The following KMT2C variants were observed in gnomAD, a reference collection of about 807,000 sequenced individuals.
KMT2C encodes the protein histone-lysine N-methyltransferase 2C.
In KMT2C, 88 loss-of-function variants were observed where a neutral mutation model predicts 507.9. The ratio of observed to expected loss-of-function variants is 0.17; its 90% CI spans 0.15 to 0.21. The LOEUF (loss-of-function observed/expected upper bound fraction) is 0.21, where lower values mean the gene tolerates loss of function less well. Among genes scored for constraint, KMT2C ranks in the 10% least tolerant of loss-of-function variants. KMT2C has a pLI of 1.00. For missense variants in KMT2C, 4,954 were observed against 5,957.8 expected, an observed-to-expected ratio of 0.83 and a Z score of 5.55; for synonymous variants, 2,049 against 2,080.8, an observed-to-expected ratio of 0.98 and a Z score of 0.42.
In KMT2C at chr7:152,177,433, T is replaced by G; in HGVS notation, c.8020A>C (p.Asn2674His). The change falls in exon 38 of 59, where the codon AAT (asparagine) becomes CAT (histidine). Residue 2674 changes from asparagine (N) to histidine (H), a missense_variant. By Grantham distance (68) the Asn-to-His change is moderately conservative. Around this residue, in one of 29 missense-constraint regions of KMT2C, gnomAD observed 1,689 missense variants for 1,654.3 expected, o/e 1.02. Transcript: ENST00000262189. ...TSVPSETTSD[N>H]LQITTQPSDG... Reference sequence around the variant, plus strand: ...GAAGGCTGGGTGGTTATCTGTAAATTATCAGACGTTGTTTCAGACGGTACA... The same window carrying G: ...GAAGGCTGGGTGGTTATCTGTAAATGATCAGACGTTGTTTCAGACGGTACA... 6.2e-7 allele frequency: 1 copy of G among 1,614,174 alleles called. No individual in the cohort carries two copies. The highest frequency in any genetic ancestry group is 8.5e-7 in the Non-Finnish European group (1 of 1,180,018).
chr7:152,290,427 G>C (rs192553195), intron 6 of KMT2C, among the ~76,000 whole-genome samples: 1 of 144,346 alleles, frequency 6.9e-6, no homozygotes, highest in Non-Finnish European at 1.5e-5. Context: ...TCTCTGTCTC[G>C]GCCTCCCCCG....
intron 1 of KMT2C, among the ~76,000 whole-genome samples, chr7:152,361,417 G>C (rs1213492511): frequency 6.6e-6 from 1 of 152,124 alleles, no homozygotes; most frequent in Non-Finnish European, 1.5e-5. Context: ...AAAAAAATTA[G>C]CCGGGCGTGG....
chr7:152,278,146 C>T (rs2096123256), intron 6 of KMT2C, among the ~76,000 whole-genome samples: 2 of 152,242 alleles, frequency 1.3e-5, no homozygotes, highest in African/African-American at 2.4e-5. Context: ...CTTGCGATAA[C>T]GAGTGAGTTC....
At chr7:152,270,157 G>T (rs906896366) in intron 7 of KMT2C, among the ~76,000 whole-genome samples, 1 of 152,158 alleles carries the variant, frequency 6.6e-6, no homozygotes, top group African/African-American at 2.4e-5. Flanking sequence ...GTCTATAAAA[G>T]AGAATCTCTG....
At chr7:152,313,931 T>C (rs1029206795) in intron 4 of KMT2C, among the ~76,000 whole-genome samples, 9 of 152,140 alleles carry the variant, frequency 5.9e-5, no homozygotes, top group Non-Finnish European at 8.8e-5. Context: ...TTTTATATAA[T>C]TGCCATTATT....
At position 152,201,601 on chromosome 7, in the gene KMT2C, A is replaced by C. The variant is rs182664162; in HGVS notation, c.4092+1333T>G. ...GGGAGGTAAAGGGAATCCCAGGAGA[A>C]AACAACAACAAAGATGAAAAAAAAA... On this transcript the variant is annotated intron_variant, in intron 26 of 58. Transcript: ENST00000262189. Among the ~76,000 whole-genome samples the C allele has an allele frequency of 1.6e-4, 24 of 149,544 alleles. No homozygotes were observed. In the East Asian group the frequency reaches 4.6e-3, roughly 29 times the overall value.
chr7:152,432,025 T>C (rs2097866962), intron 1 of KMT2C, among the ~76,000 whole-genome samples: 1 of 152,216 alleles, frequency 6.6e-6, no homozygotes, highest in African/African-American at 2.4e-5. Flanking sequence ...TTGCTGGTCC[T>C]TGTAATGACA....
intron 21 of KMT2C, 136 bp from the exon 22 acceptor site, chr7:152,222,202 G>A: frequency 3.5e-6 from 2 of 571,736 alleles, no homozygotes; most frequent in Non-Finnish European, 5.8e-6. Context: ...AGTTAAAAGT[G>A]CTTTTTAAAG....
intron 1 of KMT2C, among the ~76,000 whole-genome samples, chr7:152,421,507 C>T (rs910507118): frequency 1.3e-5 from 2 of 152,078 alleles, no homozygotes; most frequent in African/African-American, 2.4e-5. Context: ...CCATCAACAG[C>T]GGACTGGATA....
intron 26 of KMT2C, among the ~76,000 whole-genome samples, chr7:152,201,036 G>A (rs139152633): frequency 9.2e-5 from 14 of 152,222 alleles, no homozygotes; most frequent in Admixed American, 2.0e-4. Flanking sequence ...AGCAGAAAGC[G>A]TTTTAGAAGT....
At chr7:152,395,025 C>CA (rs76564643) in intron 1 of KMT2C, among the ~76,000 whole-genome samples, 26 of 150,290 alleles carry the variant, frequency 1.7e-4, no homozygotes, top group Admixed American at 2.7e-4. Context: ...AGGCAGTTTG[C>CA]AAAAAAAAGT....
At position 152,145,170 on chromosome 7, in the gene KMT2C, G is replaced by T; in HGVS notation, c.14157C>A (p.Val4719=). ...CAAAATACCTTAACACAAACCTCTT[G>T]ACATGGGCACTCATTTTAGGTTCAG... is the stretch of plus-strand genomic sequence containing the variant. ...ARSEPKMSAH[V]KRFVLRPHTL... is the part of the protein sequence containing the mutation. Residue 4719 remains valine, a synonymous_variant, in exon 54 of 59, where the codon GTC becomes GTA. Coordinates refer to ENST00000262189, the MANE Select transcript of KMT2C (RefSeq NM_170606.3). The T allele has an allele frequency of 6.2e-7, 1 of 1,614,112 alleles. No individual in the cohort carries two copies. The highest frequency in any genetic ancestry group is 1.1e-5 in the South Asian group (1 of 91,060).
In KMT2C at chr7:152,204,046, C is replaced by T. The variant is rs574161509; in HGVS notation, c.3962-982G>A. ...TCCAAGGCAGACAGGCCAGAGGTGA[C>T]TTGCATAAAGCTCAGGGTCAGTTTA... On this transcript the variant is annotated intron_variant, in intron 25 of 58. Transcript: ENST00000262189. Among the ~76,000 whole-genome samples, 7 of 151,972 alleles carry T rather than the reference C, an allele frequency of 4.6e-5. 1 individual carries two copies. In the South Asian group the frequency reaches 1.5e-3, roughly 32 times the overall value.
At chr7:152,209,337 G>C (rs1430220052) in intron 23 of KMT2C, among the ~76,000 whole-genome samples, 1 of 148,284 alleles carries the variant, frequency 6.7e-6, no homozygotes, top group Non-Finnish European at 1.5e-5. Flanking sequence ...GGTGCCTGTA[G>C]TCCCAGCTAC....
chr7:152,253,240 A>G (rs1465772818), intron 9 of KMT2C, among the ~76,000 whole-genome samples: 5 of 152,150 alleles, frequency 3.3e-5, no homozygotes, highest in Admixed American at 3.3e-4. Context: ...GAAAATTTAA[A>G]TAAGGGAATG....
At chr7:152,302,666 A>T (rs2096580026) in intron 6 of KMT2C, among the ~76,000 whole-genome samples, 2 of 151,962 alleles carry the variant, frequency 1.3e-5, no homozygotes, top group South Asian at 4.2e-4. Flanking sequence ...TTTTGAGAAG[A>T]AGTCCTGCTC....
chr7:152,250,793 A>G, intron 12 of KMT2C, 60 bp downstream of exon 12: 5 of 896,386 alleles, frequency 5.6e-6, no homozygotes, highest in Non-Finnish European at 9.1e-6. Context: ...CAATATTCAC[A>G]TATTTATTGT....
At chr7:152,209,454 CA>C (rs71198766) in intron 23 of KMT2C, among the ~76,000 whole-genome samples, 8,896 of 70,932 alleles carry the variant, frequency 0.13, 218 homozygotes, top group East Asian at 0.28. Flanking sequence ...GACTCCGTCT[CA>C]AAAAAAAAAA....
At chr7:152,255,547 A>C (rs781292664) in intron 9 of KMT2C, among the ~76,000 whole-genome samples, 1 of 152,098 alleles carries the variant, frequency 6.6e-6, no homozygotes, top group Non-Finnish European at 1.5e-5. Context: ...TAAAGTTTAT[A>C]CAGAAAAACA....
Sources: gnomAD v4.1 joint callset for allele counts (sites outside exome capture counted in the v4.1 genomes callset) on GRCh38, gnomAD v4.1.1 for gene constraint, gnomAD v4.1.1 regional missense constraint, MANE v1.5 for transcripts, NCBI Gene and HGNC (gene_info 2026-07-23, HGNC 2026-07-21) for gene names.